The following HDAC10 variants were observed in gnomAD, a reference collection of about 807,000 sequenced individuals.
HDAC10 encodes the protein histone deacetylase 10, also known as polyamine deacetylase HDAC10.
In HDAC10, 90 loss-of-function variants were observed where a neutral mutation model predicts 82.3. The ratio of observed to expected loss-of-function variants is 1.09; its 90% CI spans 0.92 to 1.30. The LOEUF is 1.30. Ranked by LOEUF, HDAC10 falls within the 50% of genes most tolerant of loss-of-function variation. The pLI, the probability that HDAC10 is intolerant of heterozygous loss-of-function variation, is 0.00. For synonymous variants in HDAC10, 456 were observed against 391.7 expected (o/e 1.16, Z -1.94); for missense variants, 934 against 876.3 (o/e 1.07, Z -0.83).
intron 14 of HDAC10, chr22:50,247,467 C>T: frequency 2.1e-6 from 1 of 484,554 alleles, no homozygotes; most frequent in Non-Finnish European, 3.6e-6. Context: ...CTTCACCTCT[C>T]TGCCAAAGAG....
rs780948807 is a variant in HDAC10 at position 50,249,463 on chromosome 22, A to G, written c.564-9T>C. 58 of 1,612,428 alleles carry G rather than the reference A, an allele frequency of 3.6e-5. No homozygotes were observed. The highest frequency in any genetic ancestry group is 4.5e-5 in the Non-Finnish European group (53 of 1,179,846). On this transcript the variant is annotated splice_polypyrimidine_tract_variant and intron_variant, in intron 6 of 19. Coordinates refer to ENST00000216271, the MANE Select transcript of HDAC10 (RefSeq NM_032019.6). This position sits in a 1 kb window ranked among gnomAD's most constrained non-coding sequence, Gnocchi z 4.4. ...AGGAGAAGTAAAGGACGCTGCCAAC[A>G]GCCAGCCAGGGCCAGAGGTCAAAGG... is the stretch of plus-strand genomic sequence containing the variant.
In HDAC10 at chr22:50,248,060, C is replaced by T. The variant is rs376516708; in HGVS notation, c.1167G>A (p.Lys389=). ...GGGAGCTCGGTGCAGATGCAGCTGCCTTACACACTGGACCCCCAGGCAGCA... is the reference window on the plus strand; with the variant it reads ...GGGAGCTCGGTGCAGATGCAGCTGCTTTACACACTGGACCCCCAGGCAGCA... ...PPLLPGGPVC[K]AAASAPSSLL... The change falls in exon 13 of 20, where the codon AAG becomes AAA. Residue 389 remains lysine, a synonymous_variant. Transcript: ENST00000216271. The surrounding 1 kb of genome is among the most constrained non-coding windows in gnomAD (Gnocchi z 5.4). The T allele has an allele frequency of 6.2e-7, 1 of 1,607,784 alleles. No homozygotes were observed. The highest frequency in any genetic ancestry group is 8.5e-7 in the Non-Finnish European group (1 of 1,176,570).
In HDAC10 at chr22:50,249,011, C is replaced by T; in HGVS notation, c.756+92G>A. On this transcript the variant is annotated intron_variant, in intron 8 of 19. Coordinates refer to ENST00000216271, the MANE Select transcript of HDAC10 (RefSeq NM_032019.6). This position sits in a 1 kb window ranked among gnomAD's most constrained non-coding sequence, Gnocchi z 4.4. ...CCCCAGCCACACAGGAGTGGGACAGCTCATAACCCTCCTCCTGCCTTCACT... is the reference window on the plus strand; with the variant it reads ...CCCCAGCCACACAGGAGTGGGACAGTTCATAACCCTCCTCCTGCCTTCACT... The T allele has an allele frequency of 1.4e-6, 2 of 1,434,338 alleles. No homozygotes were observed. Among genetic ancestry groups the T allele is most frequent in the Non-Finnish European group, 1.9e-6 (2 of 1,039,346 alleles). The allele number at this position is 1,434,338 out of a possible 1,614,324, so 88.9% of individuals were successfully genotyped here.
rs747308258 is a variant in HDAC10 at position 50,248,619 on chromosome 22, G to GC, written c.906+42dup. The GC allele has an allele frequency of 2.7e-6, 4 of 1,476,422 alleles. No individual in the cohort carries two copies. In the South Asian group the frequency reaches 5.4e-5, roughly 20 times the overall value. 91.5% of individuals were successfully genotyped at this position (1,476,422 alleles called of 1,614,324 possible). Reference sequence around the variant, plus strand: ...TGGCTCCCATGCTCCTGACCCCCAGGCCTCTGGCCCAGAGACCCTCCCTGT... The same window carrying GC: ...TGGCTCCCATGCTCCTGACCCCCAGGCCCTCTGGCCCAGAGACCCTCCCTGT... On this transcript the variant is annotated intron_variant, in intron 10 of 19. Coordinates refer to ENST00000216271, the MANE Select transcript of HDAC10 (RefSeq NM_032019.6). This position sits in a 1 kb window ranked among gnomAD's most constrained non-coding sequence, Gnocchi z 5.4.
Position 50,245,492 on chromosome 22 carries a change from C to T in HDAC10, c.*15G>A. ...TGTCATTTCTGCGGTGTAAATGCTC[C>T]CACCTTGGCCGATTTCAAGCCACCA... On this transcript the variant is annotated 3_prime_UTR_variant, in exon 20 of 20. Transcript: ENST00000216271. 1.2e-6 allele frequency: 1 copy of T among 822,726 alleles called. No individual in the cohort carries two copies. Among genetic ancestry groups the T allele is most frequent in the Non-Finnish European group, 2.2e-6 (1 of 462,804 alleles). 51.0% of individuals were successfully genotyped at this position (822,726 alleles called of 1,614,324 possible).
chr22:50,248,207 G>A lies in HDAC10; in HGVS notation c.1081+18C>T. 1.2e-6 allele frequency: 2 copies of A among 1,608,882 alleles called. No homozygotes were observed. The highest frequency in any genetic ancestry group is 8.5e-7 in the Non-Finnish European group (1 of 1,178,208). Reference sequence around the variant, plus strand: ...GCCCGAGGTGGGATCCTGCAGCCTAGCACCCGGCCACACTGACCTTGCTGC... The same window carrying A: ...GCCCGAGGTGGGATCCTGCAGCCTAACACCCGGCCACACTGACCTTGCTGC... On this transcript the variant is annotated intron_variant, in intron 12 of 19. Transcript: ENST00000216271. The surrounding 1 kb of genome is among the most constrained non-coding windows in gnomAD (Gnocchi z 5.4).
Position 50,245,997 on chromosome 22 carries a change from G to A in HDAC10, c.1746C>T (p.Gly582=). 6.2e-7 allele frequency: 1 copy of A among 1,611,658 alleles called. No individual in the cohort carries two copies. Among genetic ancestry groups the A allele is most frequent in the Non-Finnish European group, 8.5e-7 (1 of 1,179,488 alleles). Residue 582 remains glycine, a synonymous_variant, in exon 18 of 20, where the codon GGC becomes GGT. Transcript: ENST00000216271. ...PDLVLVALGP[G]HGLQGPHAAL... ...CAGCGTGGGGGCCCTGCAGGCCATGGCCAGGCCCCAGCGCCACCAGCACCA... is the reference window on the plus strand; with the variant it reads ...CAGCGTGGGGGCCCTGCAGGCCATGACCAGGCCCCAGCGCCACCAGCACCA...
In HDAC10 at chr22:50,245,222, G is replaced by A; in HGVS notation, c.*285C>T. 1.8e-6 allele frequency: 1 copy of A among 569,082 alleles called. No homozygotes were observed. Among genetic ancestry groups the A allele is most frequent in the Admixed American group, 3.2e-5 (1 of 30,956 alleles). The allele number at this position is 569,082 out of a possible 1,614,324, so 35.3% of individuals were successfully genotyped here. On this transcript the variant is annotated 3_prime_UTR_variant, in exon 20 of 20. Transcript: ENST00000216271. ...TGTTTACTAACGGCGCAAGGGCGGG[G>A]AGCGAAGCGCAGCGGGGCGCAGGGG...
Position 50,246,873 on chromosome 22 carries a change from A to AC in HDAC10, c.1514+1dup. 6.2e-7 allele frequency: 1 copy of AC among 1,610,212 alleles called. No homozygotes were observed. Among genetic ancestry groups the AC allele is most frequent in the Non-Finnish European group, 8.5e-7 (1 of 1,177,654 alleles). On this transcript the variant is annotated splice_donor_variant, in intron 15 of 19. Coordinates refer to ENST00000216271, the MANE Select transcript of HDAC10 (RefSeq NM_032019.6). LOFTEE classifies it high-confidence loss of function. ...GGCTCAGGATGGCCAAGTGAGGCTTACCTCTGGGCTCCGTGGGACAGGCCT... is the reference window on the plus strand; with the variant it reads ...GGCTCAGGATGGCCAAGTGAGGCTTACCCTCTGGGCTCCGTGGGACAGGCCT...
chr22:50,248,203 C>T lies in HDAC10; in HGVS notation c.1081+22G>A, dbSNP rs368117904. 9.8e-5 allele frequency: 158 copies of T among 1,607,582 alleles called. No individual in the cohort carries two copies. The highest frequency in any genetic ancestry group is 1.3e-4 in the Non-Finnish European group (154 of 1,177,648). ...AGGAGCCCGAGGTGGGATCCTGCAG[C>T]CTAGCACCCGGCCACACTGACCTTG... is the stretch of plus-strand genomic sequence containing the variant. On this transcript the variant is annotated intron_variant, in intron 12 of 19. Coordinates refer to ENST00000216271, the MANE Select transcript of HDAC10 (RefSeq NM_032019.6). The surrounding 1 kb of genome is among the most constrained non-coding windows in gnomAD (Gnocchi z 5.4).
rs1272156644 is a variant in HDAC10, at chr22:50,245,979, G to T, written c.1764C>A (p.Pro588=). 6.2e-7 allele frequency: 1 copy of T among 1,609,664 alleles called. No homozygotes were observed. The highest frequency in any genetic ancestry group is 1.7e-5 in the Admixed American group (1 of 59,566). Residue 588 remains proline, a synonymous_variant, in exon 18 of 20, where the codon CCC becomes CCA. Coordinates refer to ENST00000216271, the MANE Select transcript of HDAC10 (RefSeq NM_032019.6). Reference sequence around the variant, plus strand: ...GCATTGCAGCCAGGAGTGCAGCGTGGGGGCCCTGCAGGCCATGGCCAGGCC... The same window carrying T: ...GCATTGCAGCCAGGAGTGCAGCGTGTGGGCCCTGCAGGCCATGGCCAGGCC... ...ALGPGHGLQG[P]HAALLAAMLR...
At position 50,251,028 on chromosome 22, in the gene HDAC10, C is replaced by G. The variant is rs373306603; in HGVS notation, c.5G>C (p.Gly2Ala). The G allele has an allele frequency of 5.6e-6, 9 of 1,610,096 alleles. No individual in the cohort carries two copies. The highest frequency in any genetic ancestry group is 6.8e-6 in the Non-Finnish European group (8 of 1,178,072). ...GTCCTCATGGTACACAAGCGCGGTC[C>G]CCATGGCTGCGCCGTGGTCACCCTG... Reference protein sequence around the residue: MGTALVYHEDMT... With the variant: MATALVYHEDMT... The change falls in exon 1 of 20, where the codon GGG (glycine) becomes GCG (alanine). Residue 2 changes from glycine (G) to alanine (A), a missense_variant. Transcript: ENST00000216271.
Position 50,245,409 on chromosome 22 carries a change from A to G in HDAC10, c.*98T>C. On this transcript the variant is annotated 3_prime_UTR_variant, in exon 20 of 20. Transcript: ENST00000216271. ...GAGTGGGCGGGGTTCCGTGCCCCAGAGTCGAGGGAGCCGTGGGCTTGGGGT... is the reference window on the plus strand; with the variant it reads ...GAGTGGGCGGGGTTCCGTGCCCCAGGGTCGAGGGAGCCGTGGGCTTGGGGT... The G allele has an allele frequency of 2.8e-6, 2 of 708,172 alleles. No homozygotes were observed. The highest frequency in any genetic ancestry group is 2.7e-5 in the East Asian group (1 of 37,304). 43.9% of individuals were successfully genotyped at this position (708,172 alleles called of 1,614,324 possible). A position where few individuals can be genotyped will look rare whatever the true frequency, so the allele number is the denominator to read the frequency against.
chr22:50,249,469 C>T lies in HDAC10; in HGVS notation c.564-15G>A. 1 of 1,612,258 alleles carries T rather than the reference C, an allele frequency of 6.2e-7. No homozygotes were observed. The highest frequency in any genetic ancestry group is 8.5e-7 in the Non-Finnish European group (1 of 1,179,700). ...AGTAAAGGACGCTGCCAACAGCCAG[C>T]CAGGGCCAGAGGTCAAAGGTCAGGA... On this transcript the variant is annotated splice_polypyrimidine_tract_variant and intron_variant, in intron 6 of 19. Transcript: ENST00000216271. This position sits in a 1 kb window ranked among gnomAD's most constrained non-coding sequence, Gnocchi z 4.4.
At position 50,247,794 on chromosome 22, in the gene HDAC10, G is replaced by A; in HGVS notation, c.1338-18C>T. The A allele has an allele frequency of 6.2e-7, 1 of 1,612,728 alleles. No individual in the cohort carries two copies. Among genetic ancestry groups the A allele is most frequent in the Non-Finnish European group, 8.5e-7 (1 of 1,179,786 alleles). ...CGTGTGGCCTGTGGTGGACAGACCA[G>A]AGGGACACACAGACACGGAGTGACC... On this transcript the variant is annotated intron_variant, in intron 13 of 19. Coordinates refer to ENST00000216271, the MANE Select transcript of HDAC10 (RefSeq NM_032019.6).
intron 16 of HDAC10, 53 bp from the exon 17 acceptor site, chr22:50,246,429 A>C (rs1337457967): frequency 1.4e-6 from 2 of 1,458,786 alleles, no homozygotes; most frequent in African/African-American, 2.8e-5. Context: ...TCCTGAGCCC[A>C]AACCGCAGAG....
intron 2 of HDAC10, 108 bp downstream of exon 2, chr22:50,250,663 A>C: frequency 7.4e-7 from 1 of 1,347,122 alleles, no homozygotes; most frequent in Non-Finnish European, 1.0e-6. Flanking sequence ...GTGCATAGGG[A>C]GAGGCTCTGT....
At position 50,250,874 on chromosome 22, in the gene HDAC10, G is replaced by C; in HGVS notation, c.91C>G (p.Leu31Val). The C allele has an allele frequency of 1.2e-6, 2 of 1,601,988 alleles. No individual in the cohort carries two copies. Residue 31 changes from leucine to valine, a missense_variant, in exon 2 of 20, where the codon CTG (leucine) becomes GTG (valine). Physicochemically the swap from Leu to Val is conservative, Grantham distance 32 (BLOSUM62 1). Coordinates refer to ENST00000216271, the MANE Select transcript of HDAC10 (RefSeq NM_032019.6). ...CGCAGGCGATCCAGGGCTGCGGTCA[G>C]GCGCTCAGGACGCTCGATCTCGCAC... The part of the protein sequence containing the change: ...PECEIERPER[L>V]TAALDRLRQR...
Position 50,249,860 on chromosome 22 carries a change from C to A in HDAC10, c.494G>T (p.Arg165Met). The change falls in exon 5 of 20, where the codon AGG (arginine) becomes ATG (methionine). Residue 165 changes from arginine (R) to methionine (M), a missense_variant and splice_region_variant. Physicochemically the swap from Arg to Met is moderately conservative, Grantham distance 91 (BLOSUM62 -1). Coordinates refer to ENST00000216271, the MANE Select transcript of HDAC10 (RefSeq NM_032019.6). This position sits in a 1 kb window ranked among gnomAD's most constrained non-coding sequence, Gnocchi z 4.4. Reference protein sequence around the residue: ...AHAKQKHGLHRILVVDWDVHH... With the variant: ...AHAKQKHGLHMILVVDWDVHH... ...CCCCTGCAGCCAGCCTGGCACACAC[C>A]TGTGTAGCCCGTGTTTCTGCTTGGC... 6.2e-7 allele frequency: 1 copy of A among 1,611,378 alleles called. No individual in the cohort carries two copies. Among genetic ancestry groups the A allele is most frequent in the Non-Finnish European group, 8.5e-7 (1 of 1,178,652 alleles).
Sources: allele counts gnomAD v4.1 joint callset, GRCh38; gene constraint gnomAD v4.1.1; non-coding constraint Gnocchi (gnomAD v3.1); transcripts MANE v1.5; gene names NCBI Gene and HGNC (gene_info 2026-07-23, HGNC 2026-07-21).